PICALM: variants seen among roughly 807,000 people sequenced by gnomAD.
PICALM encodes phosphatidylinositol binding clathrin assembly protein.
A neutral mutation model predicts 80.5 loss-of-function variants in PICALM; 40 were observed. That is an observed-to-expected ratio of 0.50 (90% CI 0.39 to 0.65). PICALM has a LOEUF of 0.65. PICALM is among the 30% of genes least tolerant of loss of function. The probability of loss-of-function intolerance (pLI) is 0.00; values close to 1 mark genes in which losing one functional copy is unlikely to be tolerated. For synonymous variants in PICALM, 288 were observed against 260.3 expected (o/e 1.11, Z -1.02); for missense variants, 676 against 778.9 (o/e 0.87, Z 1.57).
intron 1 of PICALM, among the ~76,000 whole-genome samples, chr11:86,068,013 G>C (rs1253593846): frequency 6.6e-6 from 1 of 152,196 alleles, no homozygotes; most frequent in Non-Finnish European, 1.5e-5. Context: ...ACTGGGTATG[G>C]TATTTAAAAT....
At chr11:86,025,807 C>T (rs1487330517) in intron 3 of PICALM, among the ~76,000 whole-genome samples, 1 of 152,144 alleles carries the variant, frequency 6.6e-6, no homozygotes, top group Non-Finnish European at 1.5e-5. Context: ...GACCCACCCG[C>T]CTCAGCCTCC....
intron 12 of PICALM, 55 bp downstream of exon 12, chr11:85,996,771 A>G: frequency 9.9e-7 from 1 of 1,006,962 alleles, no homozygotes; most frequent in Admixed American, 1.8e-5. Context: ...TAAACACCAC[A>G]GAATGAGGAG....
At chr11:86,052,381 A>C (rs1380226995) in intron 1 of PICALM, among the ~76,000 whole-genome samples, 1 of 152,226 alleles carries the variant, frequency 6.6e-6, no homozygotes, top group Non-Finnish European at 1.5e-5. Context: ...GCAGCACGAG[A>C]ATAGACTAAT....
intron 5 of PICALM, among the ~76,000 whole-genome samples, chr11:86,014,439 C>A (rs2095447444): frequency 6.6e-6 from 1 of 152,184 alleles, no homozygotes; most frequent in Non-Finnish European, 1.5e-5. Context: ...TGCCCTTGGG[C>A]AATAGCTACA....
chr11:86,016,165 A>G (rs2095478322), intron 4 of PICALM, among the ~76,000 whole-genome samples: 1 of 152,228 alleles, frequency 6.6e-6, no homozygotes, highest in Non-Finnish European at 1.5e-5. Flanking sequence ...TCTCCATCAC[A>G]GAAGATTTGA....
chr11:86,055,010 A>T (rs1298479288), intron 1 of PICALM, among the ~76,000 whole-genome samples: 1 of 152,152 alleles, frequency 6.6e-6, no homozygotes, highest in Non-Finnish European at 1.5e-5. Context: ...GATTTTTTTT[A>T]AATGTTGGCA....
rs569582629 is a variant in PICALM, at chr11:85,958,396, T to G, written c.*650A>C. On this transcript the variant is annotated 3_prime_UTR_variant, in exon 20 of 20. Transcript: ENST00000393346. ...CTGAGAAAAGCATTCTGAATCAGAT[T>G]CATTCTTGTGGATAAAAATCAAACA... 1 of 214,294 alleles carries G rather than the reference T, an allele frequency of 4.7e-6. No homozygotes were observed. Among genetic ancestry groups the G allele is most frequent in the South Asian group, 1.9e-4 (1 of 5,386 alleles). 13.3% of individuals were successfully genotyped at this position (214,294 alleles called of 1,614,324 possible).
At chr11:85,979,427 T>C (rs991583226) in intron 17 of PICALM, among the ~76,000 whole-genome samples, 1 of 150,012 alleles carries the variant, frequency 6.7e-6, no homozygotes, top group Non-Finnish European at 1.5e-5. Context: ...GAGGCAGAGG[T>C]TGCAGTGAGC....
intron 13 of PICALM, among the ~76,000 whole-genome samples, chr11:85,987,454 T>C (rs1468507207): frequency 6.6e-6 from 1 of 152,228 alleles, no homozygotes; most frequent in East Asian, 1.9e-4. Flanking sequence ...CCAAATTTTA[T>C]GAACTTCTTG....
chr11:85,960,794 C>G (rs1467783549), intron 19 of PICALM: 10 of 1,147,530 alleles, frequency 8.7e-6, no homozygotes, highest in African/African-American at 1.7e-5. Flanking sequence ...GAAAAGAAGA[C>G]AGAGAGAGGG....
At chr11:85,968,781 C>A (rs1423576265) in intron 19 of PICALM, among the ~76,000 whole-genome samples, 1 of 151,952 alleles carries the variant, frequency 6.6e-6, no homozygotes, top group Non-Finnish European at 1.5e-5. Flanking sequence ...AAAAGGAAAA[C>A]CACAAGGACC....
chr11:86,048,263 C>G (rs2096112274), intron 1 of PICALM, among the ~76,000 whole-genome samples: 1 of 152,116 alleles, frequency 6.6e-6, no homozygotes, highest in African/African-American at 2.4e-5. Flanking sequence ...TAAGTTAGTA[C>G]CTATGGCTGT....
At chr11:86,027,206 G>A (rs1186806830) in intron 2 of PICALM, among the ~76,000 whole-genome samples, 2 of 151,862 alleles carry the variant, frequency 1.3e-5, no homozygotes, top group African/African-American at 4.8e-5. Context: ...TTTCTTCATG[G>A]TCTCCATGCA....
chr11:86,022,259 T>A lies in PICALM; in HGVS notation c.452+108A>T, dbSNP rs1269677887. On this transcript the variant is annotated intron_variant, in intron 4 of 19. Coordinates refer to ENST00000393346, the MANE Select transcript of PICALM (RefSeq NM_007166.4). ...ATACCTCATCAAAGAAAAATGAGGCTCATCTTTTAAAACTGGCTAAAATTT... is the reference window on the plus strand; with the variant it reads ...ATACCTCATCAAAGAAAAATGAGGCACATCTTTTAAAACTGGCTAAAATTT... The A allele has an allele frequency of 9.4e-6, 6 of 641,198 alleles. No individual in the cohort carries two copies. In the African/African-American group the frequency reaches 1.2e-4, roughly 12 times the overall value. The allele number at this position is 641,198 out of a possible 1,614,324, so 39.7% of individuals were successfully genotyped here.
rs1207184362 is a variant in PICALM, at chr11:86,068,832, A to AC, written c.-53dup. The AC allele has an allele frequency of 1.3e-6, 2 of 1,540,114 alleles. No individual in the cohort carries two copies. The highest frequency in any genetic ancestry group is 1.7e-6 in the Non-Finnish European group (2 of 1,147,216). ...CGCTCAGCAGCCGGCGGGGACTGGGACCCCCAAGAGCCGGAGGGTCCCCAC... is the reference window on the plus strand; with the variant it reads ...CGCTCAGCAGCCGGCGGGGACTGGGACCCCCCAAGAGCCGGAGGGTCCCCAC... On this transcript the variant is annotated 5_prime_UTR_variant, in exon 1 of 20. Coordinates refer to ENST00000393346, the MANE Select transcript of PICALM (RefSeq NM_007166.4).
chr11:86,020,939 A>C (rs2508381), intron 4 of PICALM, among the ~76,000 whole-genome samples: 65,845 of 152,036 alleles, frequency 0.43, 14,455 homozygotes, highest in East Asian at 0.6. Flanking sequence ...CTGAAAAGAC[A>C]AGCCATGGGA....
intron 1 of PICALM, among the ~76,000 whole-genome samples, chr11:86,055,724 T>C (rs964290475): frequency 2.0e-5 from 3 of 152,292 alleles, no homozygotes; most frequent in South Asian, 4.1e-4. Flanking sequence ...TAACTCAAAA[T>C]TGATCAATCT....
chr11:85,973,280 G>A (rs1053980443), intron 19 of PICALM, among the ~76,000 whole-genome samples: 1 of 152,096 alleles, frequency 6.6e-6, no homozygotes, highest in Non-Finnish European at 1.5e-5. Flanking sequence ...TATTCAAAAC[G>A]GCTGAGAAAT....
In PICALM at chr11:85,984,797, T is replaced by C. The variant is rs377348276; in HGVS notation, c.1409-824A>G. On this transcript the variant is annotated intron_variant, in intron 13 of 19. Coordinates refer to ENST00000393346, the MANE Select transcript of PICALM (RefSeq NM_007166.4). ...GATCAGCCTATACAGAGTTAACAAA[T>C]ATAAGATTTCCAATTATGTGAGGTT... Among the ~76,000 whole-genome samples, 246 of 152,248 alleles carry C rather than the reference T, an allele frequency of 1.6e-3. 2 individuals carry two copies. Among genetic ancestry groups the C allele is most frequent in the African/African-American group, 5.5e-3 (230 of 41,556 alleles).
Sources: allele counts gnomAD v4.1 joint callset (sites outside exome capture counted in the v4.1 genomes callset), GRCh38; gene constraint gnomAD v4.1.1; transcripts MANE v1.5; gene names NCBI Gene and HGNC (gene_info 2026-07-23, HGNC 2026-07-21).